ZNF410: variants seen among roughly 807,000 people sequenced by gnomAD.
ZNF410 encodes zinc finger protein 410, also known as another partner for ARF 1.
ZNF410 carries 18 observed loss-of-function variants against 54.8 expected under a neutral mutation model. That is an observed-to-expected ratio of 0.33 (90% confidence interval 0.23 to 0.49). The LOEUF is 0.49. ZNF410 is among the 20% of genes least tolerant of loss of function. ZNF410 has a pLI of 0.99. For missense variants in ZNF410, 405 were observed against 569.6 expected, an observed-to-expected ratio of 0.71 and a Z score of 2.94; for synonymous variants, 191 against 207.3, an observed-to-expected ratio of 0.92 and a Z score of 0.68.
rs147378866 is a variant in ZNF410, at chr14:73,922,091, G to C, written c.1155G>C (p.Leu385Phe). ...QTAEPLMGSS[L>F]LEEASVPSKN... ...CTGAGCCACTAATGGGCAGTAGTTT[G>C]CTTGAAGAGGCTTCAGTACCCAGTA... The change falls in exon 10 of 12, where the codon TTG becomes TTC. Residue 385 changes from leucine (L) to phenylalanine (F), a missense_variant. Coordinates refer to ENST00000555044, the MANE Select transcript of ZNF410 (RefSeq NM_021188.3). 6 of 1,613,990 alleles carry C rather than the reference G, an allele frequency of 3.7e-6. No homozygotes were observed. The African/African-American group carries it at 5.3e-5, about 14-fold the overall frequency.
chr14:73,896,271 T>C (rs1383103172), intron 3 of ZNF410, 45 bp from the exon 4 acceptor site: 1 of 1,504,286 alleles, frequency 6.6e-7, no homozygotes, highest in South Asian at 1.1e-5. Flanking sequence ...GGTGGGCTCC[T>C]AGAGATAGGT....
intron 1 of ZNF410, among the ~76,000 whole-genome samples, chr14:73,889,431 C>CAAAAAAAAAAAA (rs11330316): frequency 1.2e-5 from 1 of 84,980 alleles, no homozygotes; most frequent in Non-Finnish European, 2.5e-5. Flanking sequence ...GACTCAGTCT[C>CAAAAAAAAAAAA]AAAAAAAAAA....
intron 8 of ZNF410, among the ~76,000 whole-genome samples, chr14:73,918,516 A>G (rs893243390): frequency 4.6e-5 from 7 of 151,956 alleles, no homozygotes; most frequent in Non-Finnish European, 8.8e-5. Context: ...GTCCGACTCC[A>G]CAACATTTCA....
chr14:73,903,463 G>A (rs2055437763), intron 5 of ZNF410, among the ~76,000 whole-genome samples: 1 of 152,064 alleles, frequency 6.6e-6, no homozygotes, highest in South Asian at 2.1e-4. Flanking sequence ...GAATGAGGAT[G>A]TAGAACACTT....
At chr14:73,925,886 T>C (rs1173712706) in intron 11 of ZNF410, among the ~76,000 whole-genome samples, 1 of 151,992 alleles carries the variant, frequency 6.6e-6, no homozygotes, top group African/African-American at 2.4e-5. Context: ...AAAAAAAAAT[T>C]AGCGGGACGT....
intron 1 of ZNF410, among the ~76,000 whole-genome samples, chr14:73,889,328 C>A (rs894447666): frequency 6.7e-6 from 1 of 150,190 alleles, no homozygotes; most frequent in African/African-American, 2.4e-5. Context: ...CATGTGCCAC[C>A]ATGTGATGCT....
chr14:73,900,796 C>T (rs2055393975), intron 5 of ZNF410, among the ~76,000 whole-genome samples: 1 of 152,184 alleles, frequency 6.6e-6, no homozygotes, highest in African/African-American at 2.4e-5. Context: ...TGCAGCCCAA[C>T]ACAAATTCGT....
rs1226422934 is a variant in ZNF410 at position 73,931,525 on chromosome 14, C to T, written c.1421C>T (p.Thr474Ile). The T allele has an allele frequency of 6.2e-7, 1 of 1,607,284 alleles. No homozygotes were observed. The highest frequency in any genetic ancestry group is 8.5e-7 in the Non-Finnish European group (1 of 1,178,384). The change falls in exon 12 of 12, where the codon ACT becomes ATT. Residue 474 changes from threonine (T) to isoleucine (I), a missense_variant. Thr to Ile is a moderately conservative substitution (Grantham distance 89). This residue lies in a region of ZNF410 where 127 missense variants were observed against 141.3 expected (regional missense o/e 0.90). Coordinates refer to ENST00000555044, the MANE Select transcript of ZNF410 (RefSeq NM_021188.3). ...CAGTTACTAAACCAAGGAGATTTAA[C>T]TGAAAGACGGACATGAGCGTGGGTG... Reference protein sequence around the residue: ...PQELLNQGDLTERRT With the variant: ...PQELLNQGDLIERRT
chr14:73,897,971 CA>C (rs5809635), intron 4 of ZNF410, 99 bp from the exon 5 acceptor site: 72,915 of 675,408 alleles, frequency 0.11, 2 homozygotes, highest in Middle Eastern at 0.11. Flanking sequence ...GACGCCGTCT[CA>C]AAAAAAAAAA....
At chr14:73,909,256 C>T in intron 7 of ZNF410, 85 bp from the exon 8 acceptor site, 1 of 1,174,276 alleles carries the variant, frequency 8.5e-7, no homozygotes, top group Non-Finnish European at 1.2e-6. Context: ...AGTCATTAGA[C>T]TCTGAATAAA....
chr14:73,909,519 G>A, intron 8 of ZNF410, 89 bp downstream of exon 8: 1 of 1,003,100 alleles, frequency 1.0e-6, no homozygotes. Context: ...CAACTAAAAA[G>A]AAACAAACTG....
At chr14:73,922,035 G>C (rs775948100) in intron 9 of ZNF410, 31 bp from the exon 10 acceptor site, 1 of 1,611,514 alleles carries the variant, frequency 6.2e-7, no homozygotes, top group African/African-American at 1.3e-5. Flanking sequence ...CTTGATTGCT[G>C]TATGTCTCTC....
At chr14:73,896,592 G>A in intron 4 of ZNF410, 58 bp downstream of exon 4, 2 of 1,371,158 alleles carry the variant, frequency 1.5e-6, no homozygotes, top group African/African-American at 1.5e-5. Context: ...TAGGGGTGGG[G>A]CATATTTAAC....
Position 73,904,057 on chromosome 14 carries a change from T to C in ZNF410, c.678T>C (p.Cys226=). The change falls in exon 6 of 12, where the codon TGT becomes TGC. Residue 226 remains cysteine (C), a synonymous_variant. Transcript: ENST00000555044. ...AGCTCAAGTGTACAGTTGAAGGTTG[T>C]GACCGGACATTTGTATGGCCAGCTC... ...EKKLKCTVEG[C]DRTFVWPAHF... is the part of the protein sequence containing the mutation. 1 of 1,614,220 alleles carries C rather than the reference T, an allele frequency of 6.2e-7. No homozygotes were observed. The highest frequency in any genetic ancestry group is 8.5e-7 in the Non-Finnish European group (1 of 1,180,044).
intron 5 of ZNF410, among the ~76,000 whole-genome samples, chr14:73,900,601 C>A (rs1974582): frequency 0.15 from 22,910 of 152,070 alleles, 2,240 homozygotes; most frequent in East Asian, 0.32. Flanking sequence ...TCTCAAACTC[C>A]TGACCCAAGG....
At chr14:73,926,241 T>C (rs1034112796) in intron 11 of ZNF410, among the ~76,000 whole-genome samples, 3 of 152,190 alleles carry the variant, frequency 2.0e-5, no homozygotes, top group African/African-American at 4.8e-5. Flanking sequence ...CAATAATTTA[T>C]TGTATTCTCT....
chr14:73,932,385 A>G lies in ZNF410; in HGVS notation c.*844A>G. The G allele has an allele frequency of 2.3e-6, 1 of 434,300 alleles. No homozygotes were observed. Among genetic ancestry groups the G allele is most frequent in the Middle Eastern group, 3.4e-4 (1 of 2,956 alleles). The allele number at this position is 434,300 out of a possible 1,614,324, so 26.9% of individuals were successfully genotyped here. A position where few individuals can be genotyped will look rare whatever the true frequency, so the allele number is the denominator to read the frequency against. On this transcript the variant is annotated 3_prime_UTR_variant, in exon 12 of 12. Coordinates refer to ENST00000555044, the MANE Select transcript of ZNF410 (RefSeq NM_021188.3). ...TTTACCCTTAGGATTCCATACCAGT[A>G]AAACTGAACCGAGGAGTCTTAGGAA...
chr14:73,919,602 T>G (rs2055724262), intron 8 of ZNF410, among the ~76,000 whole-genome samples: 1 of 152,238 alleles, frequency 6.6e-6, no homozygotes, highest in African/African-American at 2.4e-5. Context: ...TCCATGTTGC[T>G]GCAGAGGACA....
rs548245199 is a variant in ZNF410, at chr14:73,901,740, C to T, written c.581-2220C>T. ...GAGCTCAGGAGACCAGCCTGGGCAA[C>T]ATGGCAAAACCCCATCTCTACAAAA... On this transcript the variant is annotated intron_variant, in intron 5 of 11. Coordinates refer to ENST00000555044, the MANE Select transcript of ZNF410 (RefSeq NM_021188.3). 2.0e-5 allele frequency among the ~76,000 whole-genome samples: 3 copies of T among 150,722 alleles called. No individual in the cohort carries two copies. In the South Asian group the frequency reaches 6.3e-4, roughly 32 times the overall value.
Sources: allele counts gnomAD v4.1 joint callset (sites outside exome capture counted in the v4.1 genomes callset), GRCh38; gene constraint gnomAD v4.1.1; regional missense constraint gnomAD v4.1.1; transcripts MANE v1.5; gene names NCBI Gene and HGNC (gene_info 2026-07-23, HGNC 2026-07-21).